Variants in BMP6 observed in about 807,000 individuals in gnomAD.
The protein encoded by BMP6 is VG-1-R.
BMP6 carries 17 observed loss-of-function variants against 54.1 expected under a neutral mutation model. That is an observed-to-expected ratio of 0.31 (90% CI 0.22 to 0.47). The LOEUF (loss-of-function observed/expected upper bound fraction) is 0.47, where lower values mean the gene tolerates loss of function less well. BMP6 is among the 20% of genes least tolerant of loss of function. The probability of loss-of-function intolerance (pLI) is 1.00; values close to 1 mark genes in which losing one functional copy is unlikely to be tolerated. For synonymous variants in BMP6, 328 were observed against 291.2 expected (o/e 1.13, Z -1.28); for missense variants, 720 against 690.4 (o/e 1.04, Z -0.48).
At chr6:7,847,859 G>T (rs1759089368) in intron 2 of BMP6, among the ~76,000 whole-genome samples, 1 of 152,214 alleles carries the variant, frequency 6.6e-6, no homozygotes, top group Non-Finnish European at 1.5e-5. Context: ...TACTTGAATA[G>T]ACGGTACTTT....
chr6:7,803,047 A>G (rs1244138009), intron 1 of BMP6, among the ~76,000 whole-genome samples: 1 of 152,178 alleles, frequency 6.6e-6, no homozygotes, highest in Non-Finnish European at 1.5e-5. Flanking sequence ...GAAGAAAAAC[A>G]CTTGAAGTTG....
chr6:7,821,027 C>A (rs753761777), intron 1 of BMP6, among the ~76,000 whole-genome samples: 1 of 152,246 alleles, frequency 6.6e-6, no homozygotes, highest in Non-Finnish European at 1.5e-5. Context: ...GGCCCAATCC[C>A]TAACAGGGCA....
At chr6:7,810,888 C>T (rs1411392296) in intron 1 of BMP6, among the ~76,000 whole-genome samples, 2 of 152,178 alleles carry the variant, frequency 1.3e-5, no homozygotes, top group African/African-American at 4.8e-5. Flanking sequence ...CTACACGATC[C>T]TGTGGGTATG....
intron 3 of BMP6, 43 bp downstream of exon 3, chr6:7,861,642 A>C: frequency 1.2e-6 from 2 of 1,608,544 alleles, no homozygotes; most frequent in African/African-American, 1.3e-5. Flanking sequence ...GCAAGTCATC[A>C]GTTTCACACA....
At chr6:7,791,030 T>C (rs996722017) in intron 1 of BMP6, among the ~76,000 whole-genome samples, 3 of 152,118 alleles carry the variant, frequency 2.0e-5, no homozygotes, top group Non-Finnish European at 2.9e-5. Flanking sequence ...ACATGTGTTC[T>C]CTCCCCTCTC....
intron 1 of BMP6, among the ~76,000 whole-genome samples, chr6:7,780,857 C>G (rs1242298985): frequency 6.6e-6 from 1 of 151,762 alleles, no homozygotes; most frequent in Non-Finnish European, 1.5e-5. Flanking sequence ...ACTACAGGCA[C>G]CCCCTACCAC....
chr6:7,843,237 G>A (rs1022133878), intron 1 of BMP6, among the ~76,000 whole-genome samples: 3 of 151,094 alleles, frequency 2.0e-5, no homozygotes, highest in African/African-American at 7.3e-5. Context: ...TTTTACAGAA[G>A]CCAAAGCTTA....
At position 7,798,165 on chromosome 6, in the gene BMP6, A is replaced by G. The variant is rs144819185; in HGVS notation, c.665-46975A>G. Among the ~76,000 whole-genome samples, 469 of 152,340 alleles carry G rather than the reference A, an allele frequency of 3.1e-3. 5 individuals are homozygous for G. Among genetic ancestry groups the G allele is most frequent in the Middle Eastern group, 0.01 (3 of 294 alleles). On this transcript the variant is annotated intron_variant, in intron 1 of 6. Transcript: ENST00000283147. ...TTGGATTTAATGATGACAAAAGTCA[A>G]CCTATATTCCACATATGTCCTTATT...
chr6:7,823,745 G>A (rs1758650569), intron 1 of BMP6, among the ~76,000 whole-genome samples: 1 of 152,198 alleles, frequency 6.6e-6, no homozygotes, highest in South Asian at 2.1e-4. Flanking sequence ...CATGTGCAAA[G>A]GTCCTGTGGC....
chr6:7,781,464 C>T (rs1354508284), intron 1 of BMP6, among the ~76,000 whole-genome samples: 2 of 151,454 alleles, frequency 1.3e-5, no homozygotes, highest in Non-Finnish European at 3.0e-5. Flanking sequence ...GCAGGCCTGG[C>T]TGTGGGAGGC....
At chr6:7,760,097 C>T (rs1345435128) in intron 1 of BMP6, among the ~76,000 whole-genome samples, 1 of 143,672 alleles carries the variant, frequency 7.0e-6, no homozygotes, top group Admixed American at 7.0e-5. Flanking sequence ...TACAAGATCT[C>T]GCTCTGTCAC....
intron 4 of BMP6, among the ~76,000 whole-genome samples, chr6:7,865,860 G>C (rs1289785082): frequency 1.3e-5 from 2 of 152,164 alleles, no homozygotes; most frequent in Non-Finnish European, 2.9e-5. Context: ...AGCCCACCAG[G>C]GATCGTCCTA....
chr6:7,858,196 G>A (rs553927891), intron 2 of BMP6, among the ~76,000 whole-genome samples: 2 of 152,194 alleles, frequency 1.3e-5, no homozygotes, highest in East Asian at 3.9e-4. Context: ...TGATCCTCTC[G>A]CCTCAGCTTC....
At chr6:7,869,570 A>T (rs1483425542) in intron 4 of BMP6, among the ~76,000 whole-genome samples, 1 of 152,132 alleles carries the variant, frequency 6.6e-6, no homozygotes, top group African/African-American at 2.4e-5. Context: ...ACTGCACTGG[A>T]TGAGAGAGCT....
intron 1 of BMP6, among the ~76,000 whole-genome samples, chr6:7,771,554 C>G (rs775645594): frequency 1.4e-4 from 22 of 152,166 alleles, no homozygotes; most frequent in Non-Finnish European, 3.2e-4. Flanking sequence ...CCTAGATTAT[C>G]CAGTAAGTGC....
intron 1 of BMP6, among the ~76,000 whole-genome samples, chr6:7,766,993 T>C (rs1440365917): frequency 3.1e-4 from 2 of 6,452 alleles, no homozygotes; most frequent in African/African-American, 1.7e-3. Flanking sequence ...AGTTTGTTTG[T>C]TTTTTTTTTT....
intron 1 of BMP6, among the ~76,000 whole-genome samples, chr6:7,752,559 GTT>G (rs5874110): frequency 2.2e-4 from 27 of 122,384 alleles, no homozygotes; most frequent in East Asian, 5.0e-4. Context: ...TTCAACATAG[GTT>G]TTTTTTTTTT....
intron 1 of BMP6, among the ~76,000 whole-genome samples, chr6:7,780,802 C>CG (rs1235872874): frequency 1.3e-5 from 2 of 151,960 alleles, no homozygotes; most frequent in African/African-American, 4.8e-5. Flanking sequence ...GTGTTGATCT[C>CG]GGGGCTCAAG....
At chr6:7,734,274 T>C (rs1761919552) in intron 1 of BMP6, among the ~76,000 whole-genome samples, 1 of 152,226 alleles carries the variant, frequency 6.6e-6, no homozygotes, top group African/African-American at 2.4e-5. Context: ...CCATAGATCA[T>C]AGAATTTAGA....
Sources: gnomAD v4.1 joint callset for allele counts (sites outside exome capture counted in the v4.1 genomes callset) on GRCh38, gnomAD v4.1.1 for gene constraint, MANE v1.5 for transcripts, NCBI Gene and HGNC (gene_info 2026-07-23, HGNC 2026-07-21) for gene names.